The following HSD17B12 variants were observed in gnomAD, a reference collection of about 807,000 sequenced individuals.
HSD17B12 encodes the protein very-long-chain 3-oxoacyl-CoA reductase.
HSD17B12 carries 32 observed loss-of-function variants against 39.3 expected under a neutral mutation model. That is an observed-to-expected ratio of 0.81 (90% CI 0.61 to 1.09). The LOEUF (loss-of-function observed/expected upper bound fraction) is 1.09. Among genes scored for constraint, HSD17B12 ranks in the 50% least tolerant of loss-of-function variants. The pLI is 0.00. For missense variants in HSD17B12, 342 were observed against 382.9 expected, an observed-to-expected ratio of 0.89 and a Z score of 0.89; for synonymous variants, 150 against 146.7, an observed-to-expected ratio of 1.02 and a Z score of -0.16.
At chr11:43,850,179 T>TA (rs1951516806) in intron 9 of HSD17B12, among the ~76,000 whole-genome samples, 1 of 152,228 alleles carries the variant, frequency 6.6e-6, no homozygotes, top group Non-Finnish European at 1.5e-5. Context: ...TAAGGGTTTC[T>TA]GCCAAGTAGA....
chr11:43,775,364 A>T (rs1950689899), intron 3 of HSD17B12, among the ~76,000 whole-genome samples: 1 of 152,214 alleles, frequency 6.6e-6, no homozygotes, highest in African/African-American at 2.4e-5. Flanking sequence ...TCCTAGGATC[A>T]CATTGCTGAT....
the HSD17B12 span, among the ~76,000 whole-genome samples, chr11:43,624,924 G>T: frequency 6.6e-6 from 1 of 151,636 alleles, no homozygotes; most frequent in Non-Finnish European, 1.5e-5. Flanking sequence ...TTTAAACCAG[G>T]AATAGTTAAA....
At chr11:43,558,754 G>T in the HSD17B12 span, among the ~76,000 whole-genome samples, 1 of 151,948 alleles carries the variant, frequency 6.6e-6, no homozygotes, top group Non-Finnish European at 1.5e-5. Context: ...TGCGCTGGGG[G>T]TGCGGGGGCG....
upstream of HSD17B12, among the ~76,000 whole-genome samples, chr11:43,680,405 C>G (rs937088971): frequency 6.6e-6 from 1 of 152,218 alleles, no homozygotes; most frequent in Non-Finnish European, 1.5e-5. Flanking sequence ...TTTCCATTCA[C>G]TAGCGGCTTC....
chr11:43,680,218 C>A (rs1473385456), upstream of HSD17B12, among the ~76,000 whole-genome samples: 4 of 151,796 alleles, frequency 2.6e-5, no homozygotes, highest in Admixed American at 2.6e-4. Context: ...AGATTACAGG[C>A]GCACGCCACC....
intron 6 of HSD17B12, among the ~76,000 whole-genome samples, chr11:43,827,556 A>G (rs138513518): frequency 2.3e-3 from 355 of 152,308 alleles, no homozygotes; most frequent in African/African-American, 8.2e-3. Context: ...TTCTAATTGT[A>G]AAAACAATGC....
chr11:43,762,272 T>G (rs1286643935), intron 3 of HSD17B12, among the ~76,000 whole-genome samples: 4 of 152,238 alleles, frequency 2.6e-5, no homozygotes, highest in Non-Finnish European at 4.4e-5. Flanking sequence ...CAGCATGCTT[T>G]TACAAAATGT....
intron 6 of HSD17B12, 39 bp downstream of exon 6, chr11:43,816,430 T>C (rs757086641): frequency 1.3e-6 from 2 of 1,484,952 alleles, no homozygotes; most frequent in South Asian, 1.3e-5. Flanking sequence ...CCTTTTTTGG[T>C]TCCTTCTATT....
chr11:43,783,383 A>G, intron 3 of HSD17B12, among the ~76,000 whole-genome samples: 1 of 150,020 alleles, frequency 6.7e-6, no homozygotes, highest in Non-Finnish European at 1.5e-5. Flanking sequence ...AATATTATTG[A>G]GGACTCCAAA....
At chr11:43,618,571 G>C in the HSD17B12 span, among the ~76,000 whole-genome samples, 1 of 152,086 alleles carries the variant, frequency 6.6e-6, no homozygotes. Context: ...GTCACCCATG[G>C]TAATAATGGC....
chr11:43,813,035 G>T (rs969113270), intron 4 of HSD17B12, among the ~76,000 whole-genome samples: 10 of 152,094 alleles, frequency 6.6e-5, no homozygotes, highest in African/African-American at 1.2e-4. Context: ...TAGAGATGGG[G>T]TTTCACCGTG....
At chr11:43,783,113 G>A (rs1445212207) in intron 3 of HSD17B12, among the ~76,000 whole-genome samples, 2 of 152,214 alleles carry the variant, frequency 1.3e-5, no homozygotes, top group East Asian at 3.9e-4. Flanking sequence ...GTTCCAGATT[G>A]AAGGAGGCTA....
chr11:43,738,977 G>T (rs1950340606), intron 1 of HSD17B12, among the ~76,000 whole-genome samples: 1 of 152,238 alleles, frequency 6.6e-6, no homozygotes, highest in African/African-American at 2.4e-5. Flanking sequence ...ACTGGCTTTG[G>T]GTAAGGGTTT....
chr11:43,617,946 A>T, the HSD17B12 span, among the ~76,000 whole-genome samples: 2 of 152,188 alleles, frequency 1.3e-5, no homozygotes, highest in African/African-American at 4.8e-5. Flanking sequence ...GATTTGTAAT[A>T]TCTAAGGAAA....
At position 43,680,940 on chromosome 11, in the gene HSD17B12, G is replaced by A. The variant is rs764637752; in HGVS notation, c.113G>A (p.Gly38Glu). 20 of 1,612,042 alleles carry A rather than the reference G, an allele frequency of 1.2e-5. No homozygotes were observed. The highest frequency in any genetic ancestry group is 1.7e-5 in the Non-Finnish European group (20 of 1,178,670). The change falls in exon 1 of 11, where the codon GGA becomes GAA. Residue 38 changes from glycine (G) to glutamate (E), a missense_variant. By Grantham distance (98) the Gly-to-Glu change is moderately conservative (BLOSUM62 -2). Coordinates refer to ENST00000278353, the MANE Select transcript of HSD17B12 (RefSeq NM_016142.3). ...CTCTTCACGGCCCTCCGGGTCTGGG[G>A]AGTGGGGAATGAGGCGGGGGTCGGC... ...YSLFTALRVW[G>E]VGNEAGVGPG...
chr11:43,690,402 A>ATTTTTTTTTT (rs1454701982), intron 1 of HSD17B12, among the ~76,000 whole-genome samples: 5 of 26,226 alleles, frequency 1.9e-4, no homozygotes, highest in Non-Finnish European at 3.1e-4. Context: ...ATATATATAT[A>ATTTTTTTTTT]TATTTTTTTT....
the HSD17B12 span, among the ~76,000 whole-genome samples, chr11:43,616,569 A>G: frequency 6.6e-6 from 1 of 151,958 alleles, no homozygotes; most frequent in Non-Finnish European, 1.5e-5. Context: ...TTAATTTATT[A>G]AATCTTTACA....
chr11:43,734,074 TCAC>T, intron 1 of HSD17B12: 5 of 975,094 alleles, frequency 5.1e-6, no homozygotes, highest in Non-Finnish European at 6.6e-6. Flanking sequence ...CCTCATATCT[TCAC>T]CAGCATCGGA....
the HSD17B12 span, among the ~76,000 whole-genome samples, chr11:43,576,430 C>A: frequency 2.6e-5 from 4 of 152,058 alleles, no homozygotes; most frequent in African/African-American, 9.7e-5. Context: ...AAACCGAGGG[C>A]TGTACTGGGA....
Sources: gnomAD v4.1 joint callset for allele counts (sites outside exome capture counted in the v4.1 genomes callset) on GRCh38, gnomAD v4.1.1 for gene constraint, MANE v1.5 for transcripts, NCBI Gene and HGNC (gene_info 2026-07-23, HGNC 2026-07-21) for gene names.